The following ZBTB46 variants were observed in gnomAD, a reference collection of about 807,000 sequenced individuals.
The protein encoded by ZBTB46 is zinc finger and BTB domain-containing protein 46.
A neutral mutation model predicts 44.1 loss-of-function variants in ZBTB46; 8 were observed. The ratio of observed to expected loss-of-function variants is 0.18; its 90% CI spans 0.11 to 0.33. The LOEUF is 0.33. Ranked by LOEUF, ZBTB46 falls within the 10% of genes least tolerant of loss-of-function variation. The probability of loss-of-function intolerance (pLI) is 1.00; values close to 1 mark genes in which losing one functional copy is unlikely to be tolerated. For synonymous variants in ZBTB46, 409 were observed against 382.3 expected (o/e 1.07, Z -0.81); for missense variants, 651 against 847.7 (o/e 0.77, Z 2.88).
intron 3 of ZBTB46, among the ~76,000 whole-genome samples, chr20:63,754,143 C>G (rs989234625): frequency 3.3e-5 from 5 of 152,246 alleles, no homozygotes; most frequent in Non-Finnish European, 7.3e-5. Context: ...CCGCCTGGCA[C>G]GGCAGCACCT....
rs1430189957 is a variant in ZBTB46 at position 63,803,331 on chromosome 20, T to C, written c.-33-12541A>G. On this transcript the variant is annotated intron_variant, in intron 1 of 4. Transcript: ENST00000245663. This position sits in a 1 kb window ranked among gnomAD's most constrained non-coding sequence, Gnocchi z 4.0. ...TACAAATTAAATTTCATATACATCA[T>C]ATTACCATTGTTCGTGGTCGCATTT... 6.1e-6 allele frequency: 6 copies of C among 985,316 alleles called. No homozygotes were observed. Among genetic ancestry groups the C allele is most frequent in the Admixed American group, 6.1e-5 (1 of 16,268 alleles). 61.0% of individuals were successfully genotyped at this position (985,316 alleles called of 1,614,324 possible).
chr20:63,805,670 C>G (rs1027970424), intron 1 of ZBTB46, among the ~76,000 whole-genome samples: 1 of 152,156 alleles, frequency 6.6e-6, no homozygotes, highest in African/African-American at 2.4e-5. Flanking sequence ...AGAGGAGACA[C>G]CTCTGCTGCC....
intron 1 of ZBTB46, among the ~76,000 whole-genome samples, chr20:63,823,631 G>A (rs183836400): frequency 3.1e-3 from 467 of 152,158 alleles, no homozygotes; most frequent in Admixed American, 5.2e-3. Context: ...AGCCCAGGTC[G>A]AGGCCGCAGT....
chr20:63,797,851 T>C (rs987233366), intron 1 of ZBTB46, among the ~76,000 whole-genome samples: 5 of 152,170 alleles, frequency 3.3e-5, no homozygotes, highest in African/African-American at 1.2e-4. Context: ...GATGGGGTTG[T>C]TTGATTTTTT....
intron 1 of ZBTB46, among the ~76,000 whole-genome samples, chr20:63,818,707 A>C (rs962451014): frequency 6.6e-6 from 1 of 151,030 alleles, no homozygotes; most frequent in African/African-American, 2.4e-5. Context: ...AAAATGCAAA[A>C]ATTAGCCGGG....
At chr20:63,764,982 G>A (rs967023663) in intron 3 of ZBTB46, among the ~76,000 whole-genome samples, 4 of 151,688 alleles carry the variant, frequency 2.6e-5, no homozygotes, top group African/African-American at 7.3e-5. Context: ...GCAATGGCGC[G>A]GTCTCGGCTC....
At chr20:63,815,546 C>CAA (rs2092745936) in intron 1 of ZBTB46, among the ~76,000 whole-genome samples, 2 of 92,090 alleles carry the variant, frequency 2.2e-5, no homozygotes, top group Non-Finnish European at 4.1e-5. Context: ...CCAGTGGGTG[C>CAA]AGGTGCAGTG....
intron 2 of ZBTB46, 148 bp downstream of exon 2, chr20:63,789,673 C>A (rs1312281005): frequency 5.2e-6 from 7 of 1,339,376 alleles, no homozygotes; most frequent in Non-Finnish European, 6.0e-6. Flanking sequence ...GCATTCCCAG[C>A]GGTCACGACA....
At chr20:63,792,098 G>T (rs900373246) in intron 1 of ZBTB46, among the ~76,000 whole-genome samples, 2 of 152,138 alleles carry the variant, frequency 1.3e-5, no homozygotes, top group African/African-American at 4.8e-5. Flanking sequence ...GACACCAGTC[G>T]TCCGGGAGTA....
chr20:63,828,228 A>G (rs542607337), intron 1 of ZBTB46, among the ~76,000 whole-genome samples: 2 of 152,392 alleles, frequency 1.3e-5, no homozygotes, highest in South Asian at 2.1e-4. Flanking sequence ...GGTCTAAGTG[A>G]TAACAGAAAA....
At chr20:63,761,200 T>A (rs6010641) in intron 3 of ZBTB46, among the ~76,000 whole-genome samples, 1 of 143,426 alleles carries the variant, frequency 7.0e-6, no homozygotes, top group South Asian at 2.1e-4. Context: ...GGTTTCACCA[T>A]GTTGACCAGA....
chr20:63,747,242 G>A lies in ZBTB46; in HGVS notation c.1458C>T (p.Ala486=), dbSNP rs773333338. 2.9e-5 allele frequency: 46 copies of A among 1,580,356 alleles called. No individual in the cohort carries two copies. The highest frequency in any genetic ancestry group is 3.6e-5 in the Non-Finnish European group (42 of 1,164,796). Residue 486 remains alanine, a synonymous_variant, in exon 5 of 5, where the codon GCC becomes GCT. Transcript: ENST00000245663. ...AGCCATGCCTGATGCCCACGCTGGC[G>A]GCGGACATGAAGACGCGGCTGCACA... ...CKVCSRVFMS[A]ASVGIRHGSR...
At chr20:63,831,525 A>C (rs896649140), upstream of ZBTB46, among the ~76,000 whole-genome samples, 5 of 146,978 alleles carry the variant, frequency 3.4e-5, no homozygotes, top group African/African-American at 1.2e-4. Flanking sequence ...GCAGCCGGAC[A>C]GCGGAAGTGC....
In ZBTB46 at chr20:63,803,263, C is replaced by T. The variant is rs987215627; in HGVS notation, c.-33-12473G>A. ...CAAGGCGTTCATGGTTTACCTTCTT[C>T]TGAAAAAATTAAGGTTAAGACATGA... On this transcript the variant is annotated intron_variant, in intron 1 of 4. Transcript: ENST00000245663. The surrounding 1 kb of genome is among the most constrained non-coding windows in gnomAD (Gnocchi z 4.0). The T allele has an allele frequency of 1.0e-6, 1 of 974,270 alleles. No individual in the cohort carries two copies. Among genetic ancestry groups the T allele is most frequent in the Non-Finnish European group, 1.2e-6 (1 of 819,822 alleles). 60.4% of individuals were successfully genotyped at this position (974,270 alleles called of 1,614,324 possible).
intron 1 of ZBTB46, among the ~76,000 whole-genome samples, chr20:63,801,553 T>C (rs561258781): frequency 1.3e-5 from 2 of 152,276 alleles, no homozygotes; most frequent in East Asian, 3.9e-4. Context: ...GTGTTGTTCT[T>C]TTGCTCTTTG....
intron 1 of ZBTB46, among the ~76,000 whole-genome samples, chr20:63,826,995 G>T (rs1001407569): frequency 3.9e-5 from 6 of 152,076 alleles, no homozygotes; most frequent in African/African-American, 1.4e-4. Flanking sequence ...GAACCGTGCG[G>T]GTGGATCTCC....
At chr20:63,771,782 G>GT (rs1254874284) in intron 3 of ZBTB46, among the ~76,000 whole-genome samples, 3 of 152,222 alleles carry the variant, frequency 2.0e-5, no homozygotes, top group Non-Finnish European at 4.4e-5. Flanking sequence ...GAAAATCCAA[G>GT]TTTTTTCTGA....
At chr20:63,801,994 A>G (rs1370432087) in intron 1 of ZBTB46, among the ~76,000 whole-genome samples, 1 of 152,188 alleles carries the variant, frequency 6.6e-6, no homozygotes, top group African/African-American at 2.4e-5. Context: ...TGCTTATCCA[A>G]GGACCTCACT....
At chr20:63,774,565 CCTCA>C (rs1187565380) in intron 3 of ZBTB46, among the ~76,000 whole-genome samples, 3 of 152,172 alleles carry the variant, frequency 2.0e-5, no homozygotes, top group Non-Finnish European at 4.4e-5. Flanking sequence ...ACGGGAGGCG[CCTCA>C]CTCACTCTCA....
Sources: gnomAD v4.1 joint callset for allele counts (sites outside exome capture counted in the v4.1 genomes callset) on GRCh38, gnomAD v4.1.1 for gene constraint, Gnocchi (gnomAD v3.1) non-coding constraint, MANE v1.5 for transcripts, NCBI Gene and HGNC (gene_info 2026-07-23, HGNC 2026-07-21) for gene names.